The following FHAD1 variants were observed in gnomAD, a reference collection of about 807,000 sequenced individuals.
FHAD1 encodes the protein forkhead associated phosphopeptide binding domain 1.
Under a neutral mutation model 191.3 loss-of-function variants are expected in FHAD1, and 146 were observed. That is an observed-to-expected ratio of 0.76 (90% CI 0.67 to 0.88). FHAD1 has a LOEUF of 0.88. Ranked by LOEUF, FHAD1 falls within the 40% of genes least tolerant of loss-of-function variation. The pLI is 0.00. For synonymous variants in FHAD1, 616 were observed against 672.3 expected (o/e 0.92, Z 1.29); for missense variants, 1,635 against 1,785.8 (o/e 0.92, Z 1.52).
At chr1:15,304,219 A>T (rs1669730647) in intron 6 of FHAD1, among the ~76,000 whole-genome samples, 1 of 152,280 alleles carries the variant, frequency 6.6e-6, no homozygotes, top group Admixed American at 6.5e-5. Context: ...GCCTGTGCTA[A>T]TTAGAAGCTG....
intron 2 of FHAD1, among the ~76,000 whole-genome samples, chr1:15,263,316 G>A (rs964526235): frequency 2.0e-5 from 3 of 151,596 alleles, no homozygotes; most frequent in Non-Finnish European, 4.4e-5. Flanking sequence ...ATGTATTCCA[G>A]TTTATCTATT....
At chr1:15,263,310 A>G (rs1019106558) in intron 2 of FHAD1, among the ~76,000 whole-genome samples, 1 of 151,576 alleles carries the variant, frequency 6.6e-6, no homozygotes, top group Admixed American at 6.6e-5. Context: ...ATGTTAATGT[A>G]TTCCAGTTTA....
intron 20 of FHAD1, among the ~76,000 whole-genome samples, chr1:15,354,606 C>CA (rs1692088160): frequency 1.3e-5 from 2 of 150,202 alleles, no homozygotes. Flanking sequence ...TATGGGTAGG[C>CA]AAAAAGGAGA....
In FHAD1 at chr1:15,345,073, T is replaced by C. The variant is rs973886349; in HGVS notation, c.2131-10T>C. On this transcript the variant is annotated splice_polypyrimidine_tract_variant and intron_variant, in intron 16 of 33. Transcript: ENST00000688493. ...ACCATGTCTGTTAAACAATGGTCAT[T>C]GGTTTCCAGGCTTTGGAGGAGTACA... is the stretch of plus-strand genomic sequence containing the variant. 6 of 1,547,986 alleles carry C rather than the reference T, an allele frequency of 3.9e-6. No individual in the cohort carries two copies. Among genetic ancestry groups the C allele is most frequent in the Middle Eastern group, 1.7e-4 (1 of 6,004 alleles).
At chr1:15,388,415 C>G in intron 32 of FHAD1, 1 of 1,242,834 alleles carries the variant, frequency 8.0e-7, no homozygotes, top group South Asian at 1.4e-5. Flanking sequence ...CCCCGTCTGT[C>G]CATTAAGGTG....
rs940838651 is a variant in FHAD1, at chr1:15,352,943, A to C, written c.2521A>C (p.Lys841Gln). The C allele has an allele frequency of 9.7e-5, 150 of 1,551,332 alleles. No homozygotes were observed. The highest frequency in any genetic ancestry group is 1.3e-4 in the Non-Finnish European group (148 of 1,146,974). Residue 841 changes from lysine to glutamine, a missense_variant, in exon 20 of 34, where the codon AAG (lysine) becomes CAG (glutamine). Physicochemically the swap from Lys to Gln is moderately conservative, Grantham distance 53. Transcript: ENST00000688493. ...AKEAMEKEKKKVQDLENRLTK... is the reference protein window; with the variant it reads ...AKEAMEKEKKQVQDLENRLTK... ...GGAGGCCATGGAGAAGGAAAAGAAA[A>C]AGGTGCAAGACCTGGAGAATCGCTT...
At chr1:15,271,770 T>C (rs1414215781) in intron 2 of FHAD1, among the ~76,000 whole-genome samples, 1 of 152,184 alleles carries the variant, frequency 6.6e-6, no homozygotes, top group East Asian at 1.9e-4. Context: ...ATGTTAACCA[T>C]GGCTGCCACT....
intron 8 of FHAD1, among the ~76,000 whole-genome samples, chr1:15,314,825 TGTG>T (rs1673744455): frequency 1.1e-5 from 1 of 91,916 alleles, no homozygotes; most frequent in African/African-American, 4.4e-5. Context: ...GGGGTGTGGA[TGTG>T]TGTAGGTGAG....
chr1:15,282,645 G>T (rs567495948), intron 3 of FHAD1, among the ~76,000 whole-genome samples: 40 of 152,304 alleles, frequency 2.6e-4, no homozygotes, highest in African/African-American at 9.1e-4. Context: ...GAAACTATTG[G>T]ATAATAGTTT....
At chr1:15,387,593 C>G (rs1053349098) in intron 31 of FHAD1, among the ~76,000 whole-genome samples, 3 of 151,862 alleles carry the variant, frequency 2.0e-5, no homozygotes, top group Non-Finnish European at 4.4e-5. Context: ...CTACAAAAAA[C>G]AAAAAAATTA....
chr1:15,275,546 T>C (rs1380533250), intron 3 of FHAD1, among the ~76,000 whole-genome samples: 5 of 152,166 alleles, frequency 3.3e-5, no homozygotes, highest in Non-Finnish European at 7.3e-5. Flanking sequence ...TCAAGAGACA[T>C]TCGTGCAGGC....
At chr1:15,240,188 TACTG>T (rs1645191865) in intron 1 of FHAD1, among the ~76,000 whole-genome samples, 1 of 152,224 alleles carries the variant, frequency 6.6e-6, no homozygotes, top group Non-Finnish European at 1.5e-5. Flanking sequence ...TACTGACTCT[TACTG>T]ACTTTGATGA....
Position 15,308,669 on chromosome 1 carries a change from G to C in FHAD1, c.972G>C (p.Arg324=), listed in dbSNP as rs1671312511. 6.4e-6 allele frequency: 10 copies of C among 1,551,612 alleles called. No homozygotes were observed. The highest frequency in any genetic ancestry group is 1.4e-5 in the African/African-American group (1 of 73,046). The change falls in exon 7 of 34, where the codon CGG becomes CGC. Residue 324 remains arginine (R), a synonymous_variant. Coordinates refer to ENST00000688493, the MANE Select transcript of FHAD1 (RefSeq NM_001391957.1). ...TGCTGTGCCAGACCCTGTCAGAGCG[G>C]AACTCAGAAATCACATCCCTGAAGA... is the stretch of plus-strand genomic sequence containing the variant. ...SKVLCQTLSE[R]NSEITSLKNE...
upstream of FHAD1, among the ~76,000 whole-genome samples, chr1:15,245,121 C>A (rs1432936523): frequency 6.6e-6 from 1 of 152,182 alleles, no homozygotes; most frequent in Non-Finnish European, 1.5e-5. Context: ...CCTACAGGAA[C>A]AGCACCAAGC....
chr1:15,313,332 T>TG (rs1672882646), intron 8 of FHAD1, 145 bp downstream of exon 8: 14 of 13,628 alleles, frequency 1.0e-3, no homozygotes, highest in South Asian at 1.9e-3. Context: ...GGGGGCGGGG[T>TG]GGTGGGGGGG....
At chr1:15,237,762 T>A (rs1048423880) in intron 1 of FHAD1, among the ~76,000 whole-genome samples, 1 of 150,344 alleles carries the variant, frequency 6.7e-6, no homozygotes. Flanking sequence ...AAAGAACAGT[T>A]GTTCTCGAGA....
chr1:15,396,828 G>T (rs1706136649), intron 33 of FHAD1, among the ~76,000 whole-genome samples: 1 of 151,202 alleles, frequency 6.6e-6, no homozygotes, highest in Admixed American at 6.6e-5. Flanking sequence ...ATAATAATAA[G>T]TAAATAAATA....
At chr1:15,349,549 C>G (rs1193215878) in intron 19 of FHAD1, among the ~76,000 whole-genome samples, 1 of 152,240 alleles carries the variant, frequency 6.6e-6, no homozygotes, top group Admixed American at 6.5e-5. Flanking sequence ...AGTAGAGCGG[C>G]ATGTGTGCCA....
intron 1 of FHAD1, among the ~76,000 whole-genome samples, chr1:15,250,969 C>G (rs1008301807): frequency 6.6e-6 from 1 of 152,178 alleles, no homozygotes; most frequent in Non-Finnish European, 1.5e-5. Flanking sequence ...AGGCACCATT[C>G]TAGATACCTC....
Sources: gnomAD v4.1 joint callset for allele counts (sites outside exome capture counted in the v4.1 genomes callset) on GRCh38, gnomAD v4.1.1 for gene constraint, MANE v1.5 for transcripts, NCBI Gene and HGNC (gene_info 2026-07-23, HGNC 2026-07-21) for gene names.